The following SLC2A3 variants were observed in gnomAD, a reference collection of about 807,000 sequenced individuals.
SLC2A3 encodes the protein solute carrier family 2 member 3, also known as solute carrier family 2, facilitated glucose transporter member 3.
A neutral mutation model predicts 46.4 loss-of-function variants in SLC2A3; 21 were observed. The observed-to-expected ratio is 0.45, with a 90% CI of 0.32 to 0.65. SLC2A3 has a LOEUF of 0.65. Among genes scored for constraint, SLC2A3 ranks in the 30% least tolerant of loss-of-function variants. The pLI, the probability that SLC2A3 is intolerant of heterozygous loss-of-function variation, is 0.04. For synonymous variants in SLC2A3, 213 were observed against 239.4 expected (o/e 0.89, Z 1.02); for missense variants, 499 against 623.3 (o/e 0.80, Z 2.12).
intron 6 of SLC2A3, chr12:7,929,475 A>C: frequency 3.1e-6 from 2 of 640,632 alleles, no homozygotes; most frequent in Non-Finnish European, 4.8e-6. Flanking sequence ...TCCTTTTTTT[A>C]AATTTCAGAG....
At position 7,930,485 on chromosome 12, in the gene SLC2A3, T is replaced by C; in HGVS notation, c.668A>G (p.Lys223Arg). Residue 223 changes from lysine (K) to arginine (R), a missense_variant, in exon 5 of 10, where the codon AAG (lysine) becomes AGG (arginine). Around this residue, in one of 5 missense-constraint regions of SLC2A3, gnomAD observed 248 missense variants for 284.0 expected, o/e 0.87. Transcript: ENST00000075120. The part of the protein sequence containing the change: ...LINRKEEENA[K>R]QILQRLWGTQ... The stretch of plus-strand genomic sequence containing the variant: ...AAGGTGTGAAGGATACTCACTCTGC[T>C]TAGCATTCTCCTCTTCTTTTCTGTT... 6.2e-7 allele frequency: 1 copy of C among 1,613,246 alleles called. No individual in the cohort carries two copies. Among genetic ancestry groups the C allele is most frequent in the Non-Finnish European group, 8.5e-7 (1 of 1,179,382 alleles).
In SLC2A3 at chr12:7,921,406, G is replaced by A. The variant is rs1237343045; in HGVS notation, c.*7C>T. The A allele has an allele frequency of 1.2e-6, 2 of 1,614,080 alleles. No individual in the cohort carries two copies. The highest frequency in any genetic ancestry group is 1.7e-6 in the Non-Finnish European group (2 of 1,179,958). The stretch of plus-strand genomic sequence containing the variant: ...CATGCCGGGAGGGAGGTGGAAGGAG[G>A]CACGACTTAGACATTGGTGGTGGTC... On this transcript the variant is annotated 3_prime_UTR_variant, in exon 10 of 10. Transcript: ENST00000075120.
rs376247643 is a variant in SLC2A3 at position 7,936,007 on chromosome 12, A to G, written c.15+13T>C. ...AAACAAGCAAAAATAACCAGTAATT[A>G]TATCATTCTTACCTTCTGTGTCCCC... On this transcript the variant is annotated intron_variant, in intron 1 of 9. Coordinates refer to ENST00000075120, the MANE Select transcript of SLC2A3 (RefSeq NM_006931.3). 21 of 1,593,238 alleles carry G rather than the reference A, an allele frequency of 1.3e-5. No individual in the cohort carries two copies. The highest frequency in any genetic ancestry group is 1.6e-5 in the Non-Finnish European group (18 of 1,161,044).
At chr12:7,923,694 A>C (rs756136920) in intron 8 of SLC2A3, among the ~76,000 whole-genome samples, 1 of 151,998 alleles carries the variant, frequency 6.6e-6, no homozygotes, top group African/African-American at 2.4e-5. Context: ...TTCTGGGCTC[A>C]AGCAATCCTC....
rs774004641 is a variant in SLC2A3 at position 7,925,735 on chromosome 12, T to A, written c.966+109A>T. ...TTATCTCTTTTTCCCAAAGGAAAAT[T>A]AAGCAACAAAAAGGTAACTAAATGA... On this transcript the variant is annotated intron_variant, in intron 7 of 9. Coordinates refer to ENST00000075120, the MANE Select transcript of SLC2A3 (RefSeq NM_006931.3). The A allele has an allele frequency of 8.4e-5, 73 of 865,356 alleles. No homozygotes were observed. The African/African-American group carries it at 1.2e-3, about 14-fold the overall frequency. The allele number at this position is 865,356 out of a possible 1,614,324, so 53.6% of individuals were successfully genotyped here.
intron 1 of SLC2A3, among the ~76,000 whole-genome samples, 195 bp downstream of exon 1, chr12:7,935,825 T>G (rs1243604212): frequency 6.6e-6 from 1 of 152,064 alleles, no homozygotes; most frequent in Non-Finnish European, 1.5e-5. Flanking sequence ...TTTCCTATGA[T>G]AAGGTGAACA....
intron 9 of SLC2A3, among the ~76,000 whole-genome samples, chr12:7,922,556 G>A (rs1311693349): frequency 2.0e-5 from 3 of 152,000 alleles, no homozygotes; most frequent in African/African-American, 4.8e-5. Context: ...CCACCTCCCA[G>A]GTTTAAGCGA....
At position 7,931,362 on chromosome 12, in the gene SLC2A3, G is replaced by A. The variant is rs1318683023; in HGVS notation, c.393C>T (p.Cys131=). ...ILGRLVIGLF[C]GLCTGFVPMY... ...TGGGCACAAAACCTGTGCAGAGTCC[G>A]CAGAAGAGGCCAATAACCAAGCGAC... is the stretch of plus-strand genomic sequence containing the variant. The change falls in exon 4 of 10, where the codon TGC becomes TGT. Residue 131 remains cysteine (C), a synonymous_variant. Coordinates refer to ENST00000075120, the MANE Select transcript of SLC2A3 (RefSeq NM_006931.3). 1.1e-5 allele frequency: 18 copies of A among 1,614,036 alleles called. No individual in the cohort carries two copies. The highest frequency in any genetic ancestry group is 9.3e-5 in the African/African-American group (7 of 74,928).
rs117759700 is a variant in SLC2A3 at position 7,923,764 on chromosome 12, T to C, written c.1068+646A>G. Among the ~76,000 whole-genome samples, 973 of 136,040 alleles carry C rather than the reference T, an allele frequency of 7.2e-3. 33 individuals carry two copies. The East Asian group carries it at 0.094, about 13-fold the overall frequency. The allele number at this position is 136,040 out of a possible 152,430, so 89.2% of individuals were successfully genotyped here. On this transcript the variant is annotated intron_variant, in intron 8 of 9. Coordinates refer to ENST00000075120, the MANE Select transcript of SLC2A3 (RefSeq NM_006931.3). ...CATGAACCACTGCGCCCAGCCAGGA[T>C]TGGATTTTTTTTTTTTTTTTTGAGA...
chr12:7,927,656 A>C lies in SLC2A3; in HGVS notation c.862-1708T>G, dbSNP rs12315314. Among the ~76,000 whole-genome samples, 324 of 152,246 alleles carry C rather than the reference A, an allele frequency of 2.1e-3. 5 individuals are homozygous for C. Among genetic ancestry groups the C allele is most frequent in the African/African-American group, 7.3e-3 (303 of 41,556 alleles). ...GACAACTTTCAGGTCTCTTACACAG[A>C]GATTCTCAAATTCAGCTGACTCAGG... On this transcript the variant is annotated intron_variant, in intron 6 of 9. Coordinates refer to ENST00000075120, the MANE Select transcript of SLC2A3 (RefSeq NM_006931.3).
chr12:7,927,788 T>A, intron 6 of SLC2A3, among the ~76,000 whole-genome samples: 1 of 151,976 alleles, frequency 6.6e-6, no homozygotes, highest in East Asian at 1.9e-4. Context: ...CAACAATAAT[T>A]AATGTACATG....
intron 1 of SLC2A3, among the ~76,000 whole-genome samples, chr12:7,935,630 C>CTTTG (rs1477536445): frequency 2.0e-5 from 3 of 152,260 alleles, no homozygotes; most frequent in African/African-American, 7.2e-5. Context: ...TGGCCTGTGC[C>CTTTG]TCCAAACACA....
At chr12:7,932,466 C>T (rs1946166201) in intron 3 of SLC2A3, among the ~76,000 whole-genome samples, 1 of 152,146 alleles carries the variant, frequency 6.6e-6, no homozygotes, top group South Asian at 2.1e-4. Context: ...GGGTGAGCCA[C>T]CACACCGTGC....
In SLC2A3 at chr12:7,920,504, G is replaced by C. The variant is rs772316903; in HGVS notation, c.*909C>G. The C allele has an allele frequency of 8.5e-4, 130 of 152,162 alleles. No homozygotes were observed. Among genetic ancestry groups the C allele is most frequent in the African/African-American group, 2.8e-3 (116 of 41,500 alleles). The allele number at this position is 152,162 out of a possible 1,614,324, so 9.4% of individuals were successfully genotyped here. On this transcript the variant is annotated 3_prime_UTR_variant, in exon 10 of 10. Transcript: ENST00000075120. ...ATTAGTTAATAATCCTAGATTTCAA[G>C]TACTACTACATGTAAACTATTATCT... is the stretch of plus-strand genomic sequence containing the variant.
In SLC2A3 at chr12:7,921,684, A is replaced by C. The variant is rs952571825; in HGVS notation, c.1273-53T>G. ...TTGATATAAAAATCTGGTCATTGAC[A>C]AAGTCAATTTCCTTCACATTCATAT... is the stretch of plus-strand genomic sequence containing the variant. On this transcript the variant is annotated intron_variant, in intron 9 of 9. Coordinates refer to ENST00000075120, the MANE Select transcript of SLC2A3 (RefSeq NM_006931.3). 13 of 1,549,416 alleles carry C rather than the reference A, an allele frequency of 8.4e-6. No homozygotes were observed. In the African/African-American group the frequency reaches 1.8e-4, roughly 21 times the overall value.
At chr12:7,926,455 C>G (rs1592355188) in intron 6 of SLC2A3, among the ~76,000 whole-genome samples, 1 of 152,268 alleles carries the variant, frequency 6.6e-6, no homozygotes, top group African/African-American at 2.4e-5. Context: ...TCTAAAAATG[C>G]TTATTCCCAC....
intron 9 of SLC2A3, 139 bp from the exon 10 acceptor site, chr12:7,921,770 C>G: frequency 1.0e-6 from 1 of 965,398 alleles, no homozygotes; most frequent in South Asian, 1.8e-5. Context: ...TCTTCAGATT[C>G]GCTTATGATT....
At chr12:7,925,391 C>T (rs1160983720) in intron 7 of SLC2A3, 1 of 154,746 alleles carries the variant, frequency 6.5e-6, no homozygotes, top group Non-Finnish European at 1.4e-5. Context: ...GGGCCACCAA[C>T]CTGTGAGATC....
intron 1 of SLC2A3, 90 bp from the exon 2 acceptor site, chr12:7,933,992 ATT>A (rs764957429): frequency 2.3e-4 from 288 of 1,262,988 alleles, no homozygotes; most frequent in Middle Eastern, 9.5e-4. Context: ...TATTAGGAGA[ATT>A]TGAGTTATGA....
Sources: gnomAD v4.1 joint callset for allele counts (sites outside exome capture counted in the v4.1 genomes callset) on GRCh38, gnomAD v4.1.1 for gene constraint, gnomAD v4.1.1 regional missense constraint, MANE v1.5 for transcripts, NCBI Gene and HGNC (gene_info 2026-07-23, HGNC 2026-07-21) for gene names.